Variants in CDH4 observed in about 807,000 individuals in gnomAD.
CDH4 encodes cadherin-4.
A neutral mutation model predicts 86.0 loss-of-function variants in CDH4; 33 were observed. That is an observed-to-expected ratio of 0.38 (90% CI 0.29 to 0.51). The LOEUF (loss-of-function observed/expected upper bound fraction) is 0.51. Among genes scored for constraint, CDH4 ranks in the 20% least tolerant of loss-of-function variants. CDH4 has a pLI of 0.86. For missense variants in CDH4, 1,114 were observed against 1,307.4 expected (o/e 0.85, Z 2.28); for synonymous variants, 555 against 549.4 (o/e 1.01, Z -0.14).
intron 2 of CDH4, among the ~76,000 whole-genome samples, chr20:61,542,744 C>T (rs1048125649): frequency 2.0e-5 from 3 of 152,110 alleles, no homozygotes; most frequent in Non-Finnish European, 2.9e-5. Flanking sequence ...TATTAGAAAT[C>T]GGTATTAGGG....
intron 2 of CDH4, among the ~76,000 whole-genome samples, chr20:61,657,116 C>T (rs1425325636): frequency 6.6e-6 from 1 of 152,216 alleles, no homozygotes; most frequent in Non-Finnish European, 1.5e-5. Flanking sequence ...AACGCACGCT[C>T]AGTCCTTTAG....
chr20:61,890,069 CATGGGTGG>C (rs1984744509), intron 7 of CDH4, among the ~76,000 whole-genome samples: 1 of 128,826 alleles, frequency 7.8e-6, no homozygotes, highest in African/African-American at 2.9e-5. Flanking sequence ...ATGATGGATG[CATGGGTGG>C]ATGGATGGAT....
rs1980405762 is a variant in CDH4, at chr20:61,810,987, A to G, written c.577-33681A>G. 6.6e-6 allele frequency among the ~76,000 whole-genome samples: 1 copy of G among 152,208 alleles called. No individual in the cohort carries two copies. Among genetic ancestry groups the G allele is most frequent in the Non-Finnish European group, 1.5e-5 (1 of 68,044 alleles). On this transcript the variant is annotated intron_variant, in intron 4 of 15. Coordinates refer to ENST00000614565, the MANE Select transcript of CDH4 (RefSeq NM_001794.5). This position sits in a 1 kb window ranked among gnomAD's most constrained non-coding sequence, Gnocchi z 4.3. ...TGATGCTGCATTTGTAACGGGAGCT[A>G]GAAAGGAATCAGTCAAACGAACTCA...
chr20:61,711,624 G>C (rs990216714), intron 2 of CDH4, among the ~76,000 whole-genome samples: 6 of 152,166 alleles, frequency 3.9e-5, no homozygotes, highest in African/African-American at 1.2e-4. Flanking sequence ...CCTGTCTCAA[G>C]ATCCTTGACT....
chr20:61,910,621 T>G lies in CDH4; in HGVS notation c.1374+14T>G. ...ACCGTGGTGAAGGTGCGTACTCTTC[T>G]CACACCCTGCCAGGCACCCCAAGTT... On this transcript the variant is annotated intron_variant, in intron 9 of 15. Transcript: ENST00000614565. 4 of 1,607,110 alleles carry G rather than the reference T, an allele frequency of 2.5e-6. No homozygotes were observed. The highest frequency in any genetic ancestry group is 3.4e-6 in the Non-Finnish European group (4 of 1,174,602).
chr20:61,322,307 G>A (rs951812569), intron 2 of CDH4, among the ~76,000 whole-genome samples: 6 of 152,260 alleles, frequency 3.9e-5, no homozygotes, highest in African/African-American at 1.4e-4. Flanking sequence ...CTGAGGCTTC[G>A]CCTGGCTCTG....
At chr20:61,451,493 A>G (rs1467607842) in intron 2 of CDH4, among the ~76,000 whole-genome samples, 1 of 152,228 alleles carries the variant, frequency 6.6e-6, no homozygotes, top group Non-Finnish European at 1.5e-5. Flanking sequence ...GCAAGCTAAC[A>G]GGTTCAAATG....
chr20:61,466,499 C>A (rs973563137), intron 2 of CDH4, among the ~76,000 whole-genome samples: 1 of 152,168 alleles, frequency 6.6e-6, no homozygotes, highest in African/African-American at 2.4e-5. Flanking sequence ...AAACTTGTTT[C>A]TCATGTAAGA....
At chr20:61,318,454 T>C (rs1464545320) in intron 2 of CDH4, among the ~76,000 whole-genome samples, 1 of 152,174 alleles carries the variant, frequency 6.6e-6, no homozygotes, top group Non-Finnish European at 1.5e-5. Context: ...TTTTTCTCCT[T>C]TACCCCTTGC....
intron 2 of CDH4, among the ~76,000 whole-genome samples, chr20:61,520,137 G>A (rs910460970): frequency 6.6e-6 from 1 of 152,192 alleles, no homozygotes; most frequent in Non-Finnish European, 1.5e-5. Context: ...ATCACCAGCA[G>A]AAATGCCCAT....
chr20:61,452,810 G>A (rs1452669905), intron 2 of CDH4, among the ~76,000 whole-genome samples: 1 of 152,200 alleles, frequency 6.6e-6, no homozygotes, highest in Non-Finnish European at 1.5e-5. Flanking sequence ...GGCAGGTGGA[G>A]AAGATATGAA....
intron 4 of CDH4, among the ~76,000 whole-genome samples, chr20:61,786,674 A>T (rs1282707329): frequency 6.6e-6 from 1 of 152,242 alleles, no homozygotes; most frequent in African/African-American, 2.4e-5. Context: ...CGAATATATT[A>T]ATATTTTAGA....
intron 2 of CDH4, among the ~76,000 whole-genome samples, chr20:61,647,789 G>C (rs1342282645): frequency 6.6e-6 from 1 of 152,136 alleles, no homozygotes; most frequent in Non-Finnish European, 1.5e-5. Context: ...TATTGCCTCT[G>C]AATGGGTGTT....
chr20:61,721,746 C>G (rs1378280702), intron 2 of CDH4, among the ~76,000 whole-genome samples: 1 of 152,154 alleles, frequency 6.6e-6, no homozygotes, highest in South Asian at 2.1e-4. Flanking sequence ...TCAAGGACCT[C>G]GTGAAGTATC....
chr20:61,722,166 C>T (rs2088049857), intron 2 of CDH4, among the ~76,000 whole-genome samples: 1 of 151,468 alleles, frequency 6.6e-6, no homozygotes, highest in Non-Finnish European at 1.5e-5. Context: ...ATTAAAATTA[C>T]TTCTTTAGAT....
chr20:61,320,660 G>A (rs147099991), intron 2 of CDH4, among the ~76,000 whole-genome samples: 1 of 152,110 alleles, frequency 6.6e-6, no homozygotes, highest in Non-Finnish European at 1.5e-5. Flanking sequence ...CCTACCCAGG[G>A]CTGCCTCCCA....
At chr20:61,813,360 C>T (rs1286365924) in intron 4 of CDH4, among the ~76,000 whole-genome samples, 1 of 152,202 alleles carries the variant, frequency 6.6e-6, no homozygotes, top group Admixed American at 6.5e-5. Flanking sequence ...CACTGGGCCC[C>T]TCAACCTGCC....
intron 2 of CDH4, among the ~76,000 whole-genome samples, chr20:61,275,637 C>A (rs1459516249): frequency 1.1e-5 from 1 of 91,140 alleles, no homozygotes; most frequent in Admixed American, 1.6e-4. Flanking sequence ...GAGTACCATG[C>A]GCAGTTTGGG....
rs2055070594 is a variant in CDH4 at position 61,928,426 on chromosome 20, G to A, written c.2005+3G>A. The A allele has an allele frequency of 1.2e-6, 2 of 1,611,286 alleles. No homozygotes were observed. Among genetic ancestry groups the A allele is most frequent in the African/African-American group, 1.3e-5 (1 of 74,942 alleles). On this transcript the variant is annotated splice_donor_region_variant and intron_variant, in intron 12 of 15. Transcript: ENST00000614565. ...CTGGACCATCACCCGCCTGAACGGT[G>A]AGCCCGCCTTAGGCCACGGGGAGGG... is the stretch of plus-strand genomic sequence containing the variant.
Sources: gnomAD v4.1 joint callset for allele counts (sites outside exome capture counted in the v4.1 genomes callset) on GRCh38, gnomAD v4.1.1 for gene constraint, Gnocchi (gnomAD v3.1) non-coding constraint, MANE v1.5 for transcripts, NCBI Gene and HGNC (gene_info 2026-07-23, HGNC 2026-07-21) for gene names.